Variants in CACNA2D1 observed in about 807,000 individuals in gnomAD.
CACNA2D1 encodes calcium voltage-gated channel auxiliary subunit alpha2delta 1.
Under a neutral mutation model 171.5 loss-of-function variants are expected in CACNA2D1, and 53 were observed. The observed-to-expected ratio is 0.31, with a 90% CI of 0.25 to 0.39. The LOEUF is 0.39. CACNA2D1 is among the 10% of genes least tolerant of loss of function. The pLI, the probability that CACNA2D1 is intolerant of heterozygous loss-of-function variation, is 1.00. For synonymous variants in CACNA2D1, 442 were observed against 443.1 expected, an observed-to-expected ratio of 1.00 and a Z score of 0.03; for missense variants, 903 against 1,299.8, an observed-to-expected ratio of 0.69 and a Z score of 4.69.
intron 7 of CACNA2D1, among the ~76,000 whole-genome samples, chr7:82,082,587 T>C (rs1809935037): frequency 6.6e-6 from 1 of 151,634 alleles, no homozygotes; most frequent in African/African-American, 2.4e-5. Context: ...TGGGGATCAA[T>C]CAGAGGAAAG....
At position 82,018,777 on chromosome 7, in the gene CACNA2D1, G is replaced by A. The variant is rs1800818714; in HGVS notation, c.1144-4298C>T. On this transcript the variant is annotated intron_variant, in intron 12 of 38. Transcript: ENST00000356860. ...GTGGGTGGATCACTTGAGCTCAGGA[G>A]TTCAAGACCAGCCTGGGCAACATAG... Among the ~76,000 whole-genome samples the A allele has an allele frequency of 2.6e-5, 4 of 151,992 alleles. No homozygotes were observed. The South Asian group carries it at 6.2e-4, about 24-fold the overall frequency.
At chr7:82,286,043 T>G (rs1437946574) in intron 3 of CACNA2D1, among the ~76,000 whole-genome samples, 1 of 152,182 alleles carries the variant, frequency 6.6e-6, no homozygotes, top group Non-Finnish European at 1.5e-5. Flanking sequence ...TCTTCCTCTC[T>G]GTCTCTGCTC....
chr7:82,199,226 G>A lies in CACNA2D1; in HGVS notation c.295-28617C>T, dbSNP rs572934439. On this transcript the variant is annotated intron_variant, in intron 3 of 38. Transcript: ENST00000356860. ...ATTACTGAGTTAATTACATATTGAC[G>A]ATTCTATGTGTGTTCAGTTTGTGAG... Among the ~76,000 whole-genome samples the A allele has an allele frequency of 3.3e-5, 5 of 152,098 alleles. No individual in the cohort carries two copies. The East Asian group carries it at 5.8e-4, about 18-fold the overall frequency.
intron 1 of CACNA2D1, among the ~76,000 whole-genome samples, chr7:82,439,322 T>A (rs1830326065): frequency 6.6e-6 from 1 of 152,054 alleles, no homozygotes; most frequent in Admixed American, 6.6e-5. Context: ...TGTAAAAATT[T>A]ACTATGTGTA....
At chr7:82,415,093 T>C (rs1205125792) in intron 1 of CACNA2D1, among the ~76,000 whole-genome samples, 1 of 152,166 alleles carries the variant, frequency 6.6e-6, no homozygotes, top group Non-Finnish European at 1.5e-5. Context: ...AATTATCCTA[T>C]TCACCCATTA....
chr7:82,134,074 G>GA (rs953826896), intron 5 of CACNA2D1, among the ~76,000 whole-genome samples: 2,235 of 142,242 alleles, frequency 0.016, 23 homozygotes, highest in Middle Eastern at 0.03. Flanking sequence ...GTCTGTCTCG[G>GA]AAAAAAAAAA....
chr7:82,327,950 C>T (rs1193751586), intron 3 of CACNA2D1, among the ~76,000 whole-genome samples: 1 of 152,076 alleles, frequency 6.6e-6, no homozygotes, highest in Non-Finnish European at 1.5e-5. Context: ...TATTTCTACC[C>T]TCTTTCTGCT....
At position 81,978,398 on chromosome 7, in the gene CACNA2D1, A is replaced by G. The variant is rs1364891477; in HGVS notation, c.1956-3846T>C. On this transcript the variant is annotated intron_variant, in intron 24 of 38. Transcript: ENST00000356860. ...TAACACAAATGCCCCATGGAATACT[A>G]TGCAGCCATAATAAGTTCATGTCCT... 3.3e-5 allele frequency among the ~76,000 whole-genome samples: 5 copies of G among 152,122 alleles called. No individual in the cohort carries two copies. The East Asian group carries it at 9.6e-4, about 29-fold the overall frequency.
chr7:81,974,528 T>C lies in CACNA2D1; in HGVS notation c.1980A>G (p.Ile660Met), dbSNP rs1795623991. 1 of 1,563,552 alleles carries C rather than the reference T, an allele frequency of 6.4e-7. No homozygotes were observed. Among genetic ancestry groups the C allele is most frequent in the Non-Finnish European group, 8.8e-7 (1 of 1,135,844 alleles). ...AAAGAAATTCAGTGTTATTATCCGA[T>C]ATTTTCAGGTCATTGCAGTAATCTC... Reference protein sequence around the residue: ...APRDYCNDLKISDNNTEFLLN... With the variant: ...APRDYCNDLKMSDNNTEFLLN... Residue 660 changes from isoleucine to methionine, a missense_variant, in exon 25 of 39, where the codon ATA (isoleucine) becomes ATG (methionine). Ile to Met is a conservative substitution (Grantham distance 10). Around this residue, in one of 5 missense-constraint regions of CACNA2D1, gnomAD observed 623 missense variants for 925.5 expected, o/e 0.67. Transcript: ENST00000356860.
chr7:82,138,125 A>T (rs1484187592), intron 4 of CACNA2D1, among the ~76,000 whole-genome samples: 3 of 152,190 alleles, frequency 2.0e-5, no homozygotes, highest in African/African-American at 7.2e-5. Flanking sequence ...ATAAATCTCC[A>T]AGAGGAAAAT....
intron 1 of CACNA2D1, among the ~76,000 whole-genome samples, chr7:82,390,259 C>G (rs982114071): frequency 6.6e-6 from 1 of 152,098 alleles, no homozygotes; most frequent in Admixed American, 6.5e-5. Flanking sequence ...TGTGTTCAAA[C>G]CTTTGTATTT....
chr7:82,382,106 A>C (rs1823777893), intron 1 of CACNA2D1, among the ~76,000 whole-genome samples: 1 of 152,218 alleles, frequency 6.6e-6, no homozygotes, highest in Non-Finnish European at 1.5e-5. Flanking sequence ...TGAATCCCAA[A>C]GTAAGAGAAA....
At chr7:81,991,289 T>C (rs374117810) in intron 20 of CACNA2D1, 43 bp from the exon 21 acceptor site, 77 of 950,774 alleles carry the variant, frequency 8.1e-5, no homozygotes, top group Middle Eastern at 6.4e-4. Context: ...TTACATTTTG[T>C]ATGAATATAT....
intron 3 of CACNA2D1, among the ~76,000 whole-genome samples, chr7:82,323,747 T>C (rs763169961): frequency 6.6e-6 from 1 of 152,190 alleles, no homozygotes; most frequent in Admixed American, 6.5e-5. Flanking sequence ...CTTTCCCCCA[T>C]GCTGCATTAC....
intron 4 of CACNA2D1, among the ~76,000 whole-genome samples, chr7:82,155,759 G>A (rs1443787662): frequency 6.6e-6 from 1 of 152,104 alleles, no homozygotes; most frequent in Non-Finnish European, 1.5e-5. Context: ...GACAAAGAGT[G>A]AAAAGGTGCA....
chr7:82,058,114 C>A (rs1806167856), intron 10 of CACNA2D1, among the ~76,000 whole-genome samples: 1 of 152,138 alleles, frequency 6.6e-6, no homozygotes, highest in Admixed American at 6.6e-5. Flanking sequence ...GCATTTGGGG[C>A]AGGTTAACTC....
chr7:81,958,888 C>CTG (rs1313743038), intron 38 of CACNA2D1, among the ~76,000 whole-genome samples: 1 of 151,016 alleles, frequency 6.6e-6, no homozygotes, highest in African/African-American at 2.4e-5. Flanking sequence ...AAGACAATGG[C>CTG]TGTATAACAG....
chr7:82,423,182 T>C (rs1435522782), intron 1 of CACNA2D1, among the ~76,000 whole-genome samples: 1 of 152,042 alleles, frequency 6.6e-6, no homozygotes, highest in African/African-American at 2.4e-5. Context: ...CTCAGCCCCA[T>C]AGGCCAAATA....
chr7:81,984,249 G>T (rs541060358), intron 22 of CACNA2D1, among the ~76,000 whole-genome samples: 2 of 152,234 alleles, frequency 1.3e-5, no homozygotes, highest in African/African-American at 4.8e-5. Flanking sequence ...TAAAAGGAAA[G>T]AAAAGGAAAA....
Sources: allele counts gnomAD v4.1 joint callset (sites outside exome capture counted in the v4.1 genomes callset), GRCh38; gene constraint gnomAD v4.1.1; regional missense constraint gnomAD v4.1.1; transcripts MANE v1.5; gene names NCBI Gene and HGNC (gene_info 2026-07-23, HGNC 2026-07-21).